Variants in TMED7 observed in about 807,000 individuals in gnomAD.
The protein encoded by TMED7 is transmembrane emp24 domain-containing protein 7.
Under a neutral mutation model 23.4 loss-of-function variants are expected in TMED7, and 8 were observed. The ratio of observed to expected loss-of-function variants is 0.34; its 90% confidence interval spans 0.20 to 0.62. The LOEUF (loss-of-function observed/expected upper bound fraction) is 0.62. Ranked by LOEUF, TMED7 falls within the 20% of genes least tolerant of loss-of-function variation. TMED7 has a pLI of 0.77. For missense variants in TMED7, 232 were observed against 279.1 expected (o/e 0.83, Z 1.20); for synonymous variants, 121 against 108.5 (o/e 1.12, Z -0.72).
chr5:115,624,191 G>A (rs1314795994), intron 1 of TMED7, among the ~76,000 whole-genome samples: 1 of 152,088 alleles, frequency 6.6e-6, no homozygotes, highest in Non-Finnish European at 1.5e-5. Flanking sequence ...GAAAATGTCG[G>A]CTTATACTTT....
chr5:115,615,920 C>A lies in TMED7; in HGVS notation c.*289G>T. 1.2e-5 allele frequency: 4 copies of A among 343,718 alleles called. No individual in the cohort carries two copies. Among genetic ancestry groups the A allele is most frequent in the East Asian group, 5.4e-5 (1 of 18,426 alleles). The allele number at this position is 343,718 out of a possible 1,614,324, so 21.3% of individuals were successfully genotyped here. A position where few individuals can be genotyped will look rare whatever the true frequency, so the allele number is the denominator to read the frequency against. On this transcript the variant is annotated 3_prime_UTR_variant, in exon 3 of 3. Transcript: ENST00000456936. ...TAAATGGTTAAAAGGAATCAAAATA[C>A]CAAAGTTTAGTGTGCGAAGAGTAGA...
Position 115,625,905 on chromosome 5 carries a change from A to G in TMED7, c.-113T>C. ...AGGCCACCCCGCAAAGATACACAGC[A>G]GAGCAGGTTCACGCCTGTGGGAGAT... On this transcript the variant is annotated 5_prime_UTR_variant, in exon 1 of 3. Coordinates refer to ENST00000456936, the MANE Select transcript of TMED7 (RefSeq NM_181836.6). 1 of 1,285,476 alleles carries G rather than the reference A, an allele frequency of 7.8e-7. No homozygotes were observed. The highest frequency in any genetic ancestry group is 9.8e-7 in the Non-Finnish European group (1 of 1,015,528). The allele number at this position is 1,285,476 out of a possible 1,614,324, so 79.6% of individuals were successfully genotyped here.
intron 1 of TMED7, among the ~76,000 whole-genome samples, chr5:115,621,578 C>A (rs147136212): frequency 6.6e-6 from 1 of 152,072 alleles, no homozygotes; most frequent in Non-Finnish European, 1.5e-5. Flanking sequence ...CTACTTTCCA[C>A]GGCTTATGCT....
At chr5:115,616,542 T>G in intron 2 of TMED7, 97 bp from the exon 3 acceptor site, 2 of 1,536,920 alleles carry the variant, frequency 1.3e-6, no homozygotes, top group South Asian at 2.4e-5. Flanking sequence ...AATTCCTCTT[T>G]TGACTAACAT....
At chr5:115,620,728 T>C in intron 1 of TMED7, 48 bp from the exon 2 acceptor site, 1 of 1,332,098 alleles carries the variant, frequency 7.5e-7, no homozygotes, top group Non-Finnish European at 9.7e-7. Flanking sequence ...TGTGAAAAAT[T>C]AATCAGATTT....
At position 115,615,328 on chromosome 5, in the gene TMED7, G is replaced by T. The variant is rs1052228768; in HGVS notation, c.*881C>A. 2 of 152,432 alleles carry T rather than the reference G, an allele frequency of 1.3e-5. No individual in the cohort carries two copies. Among genetic ancestry groups the T allele is most frequent in the African/African-American group, 4.8e-5 (2 of 41,400 alleles). The allele number at this position is 152,432 out of a possible 1,614,324, so 9.4% of individuals were successfully genotyped here. A position where few individuals can be genotyped will look rare whatever the true frequency, so the allele number is the denominator to read the frequency against. On this transcript the variant is annotated 3_prime_UTR_variant, in exon 3 of 3. Coordinates refer to ENST00000456936, the MANE Select transcript of TMED7 (RefSeq NM_181836.6). ...TACTAACAATTGTTAATTTAAGCTG[G>T]GAATGACTCACAGACATTAAAGTCA...
At position 115,613,443 on chromosome 5, in the gene TMED7, C is replaced by CT. The variant is rs778252489; in HGVS notation, c.*2765dup. The CT allele has an allele frequency of 8.6e-5, 13 of 152,044 alleles. No individual in the cohort carries two copies. The highest frequency in any genetic ancestry group is 2.1e-4 in the South Asian group (1 of 4,826). The allele number at this position is 152,044 out of a possible 1,614,324, so 9.4% of individuals were successfully genotyped here. ...TCTCATTACAGAACTGTACTCTAGGCTTTAAGTTTATAAGGAGCTTTAGAA... is the reference window on the plus strand; with the variant it reads ...TCTCATTACAGAACTGTACTCTAGGCTTTTAAGTTTATAAGGAGCTTTAGAA... On this transcript the variant is annotated 3_prime_UTR_variant, in exon 3 of 3. Transcript: ENST00000456936.
chr5:115,625,684 T>A lies in TMED7; in HGVS notation c.109A>T (p.Ile37Phe). The A allele has an allele frequency of 6.2e-7, 1 of 1,603,104 alleles. No homozygotes were observed. Among genetic ancestry groups the A allele is most frequent in the Non-Finnish European group, 8.5e-7 (1 of 1,175,606 alleles). Residue 37 changes from isoleucine to phenylalanine, a missense_variant, in exon 1 of 3, where the codon ATC becomes TTC. Physicochemically the swap from Ile to Phe is conservative, Grantham distance 21. This residue lies in a region of TMED7 where 106 missense variants were observed against 97.0 expected (regional missense o/e 1.09). Coordinates refer to ENST00000456936, the MANE Select transcript of TMED7 (RefSeq NM_181836.6). ...LVPGPGGASE[I>F]TFELPDNAKQ... ...GCGTTGTCAGGAAGCTCGAAGGTGATCTCAGAGGCGCCGCCGGGTCCAGGC... is the reference window on the plus strand; with the variant it reads ...GCGTTGTCAGGAAGCTCGAAGGTGAACTCAGAGGCGCCGCCGGGTCCAGGC...
At chr5:115,621,345 C>T (rs768608280) in intron 1 of TMED7, among the ~76,000 whole-genome samples, 1 of 152,114 alleles carries the variant, frequency 6.6e-6, no homozygotes, top group African/African-American at 2.4e-5. Flanking sequence ...AGTTGAGTAA[C>T]GGAGTGGGCT....
At chr5:115,625,532 A>G in intron 1 of TMED7, 69 bp downstream of exon 1, 1 of 1,397,796 alleles carries the variant, frequency 7.2e-7, no homozygotes, top group South Asian at 1.7e-5. Flanking sequence ...GGAAAGTGCC[A>G]TCCCTCAAGT....
Position 115,625,841 on chromosome 5 carries a change from G to A in TMED7, c.-49C>T. 1 of 1,356,546 alleles carries A rather than the reference G, an allele frequency of 7.4e-7. No homozygotes were observed. Among genetic ancestry groups the A allele is most frequent in the Non-Finnish European group, 9.4e-7 (1 of 1,061,432 alleles). The allele number at this position is 1,356,546 out of a possible 1,614,324, so 84.0% of individuals were successfully genotyped here. A position where few individuals can be genotyped will look rare whatever the true frequency, so the allele number is the denominator to read the frequency against. ...AACCGAGCTGCGAGACGCAGGGTCAGGTCTGCGCGGACTCACCGCGCGCGG... is the reference window on the plus strand; with the variant it reads ...AACCGAGCTGCGAGACGCAGGGTCAAGTCTGCGCGGACTCACCGCGCGCGG... On this transcript the variant is annotated 5_prime_UTR_variant, in exon 1 of 3. Coordinates refer to ENST00000456936, the MANE Select transcript of TMED7 (RefSeq NM_181836.6).
intron 1 of TMED7, among the ~76,000 whole-genome samples, chr5:115,623,303 C>A (rs1443478827): frequency 1.3e-5 from 2 of 152,182 alleles, no homozygotes; most frequent in African/African-American, 4.8e-5. Context: ...GTCCTGATTG[C>A]ATTTTTAAAT....
chr5:115,625,981 A>G lies in TMED7; in HGVS notation c.-189T>C. The G allele has an allele frequency of 2.7e-6, 2 of 744,110 alleles. No homozygotes were observed. The highest frequency in any genetic ancestry group is 9.9e-5 in the South Asian group (2 of 20,192). 46.1% of individuals were successfully genotyped at this position (744,110 alleles called of 1,614,324 possible). A position where few individuals can be genotyped will look rare whatever the true frequency, so the allele number is the denominator to read the frequency against. ...TCCTGTGAGGGGCGCAGACGGGCGG[A>G]CCTGGGGAGGTAAAAGAGAAGCGGA... On this transcript the variant is annotated 5_prime_UTR_variant, in exon 1 of 3. Coordinates refer to ENST00000456936, the MANE Select transcript of TMED7 (RefSeq NM_181836.6).
intron 1 of TMED7, among the ~76,000 whole-genome samples, chr5:115,624,228 T>G (rs1384148580): frequency 6.6e-6 from 1 of 152,186 alleles, no homozygotes; most frequent in Admixed American, 6.5e-5. Flanking sequence ...TATCTTCTTT[T>G]CTGTCCCCTG....
chr5:115,617,915 T>C (rs1237423683), intron 2 of TMED7, among the ~76,000 whole-genome samples: 1 of 152,174 alleles, frequency 6.6e-6, no homozygotes, highest in Non-Finnish European at 1.5e-5. Context: ...TGCCTCAGCC[T>C]CCTGAGTAGC....
chr5:115,625,786 G>A lies in TMED7; in HGVS notation c.7C>T (p.Arg3Trp), dbSNP rs748029882. The change falls in exon 1 of 3, where the codon CGG becomes TGG. Residue 3 changes from arginine to tryptophan, a missense_variant. Transcript: ENST00000456936. MP[R>W]PGSAQRWAAV... ...GCCCAGCGCTGCGCGGACCCCGGCC[G>A]CGGCATCCCGAGAAGGCGGCGGCGG... 2.1e-6 allele frequency: 3 copies of A among 1,431,848 alleles called. No homozygotes were observed. The highest frequency in any genetic ancestry group is 3.0e-5 in the South Asian group (2 of 66,332). The allele number at this position is 1,431,848 out of a possible 1,614,324, so 88.7% of individuals were successfully genotyped here.
rs1756659476 is a variant in TMED7 at position 115,615,165 on chromosome 5, A to T, written c.*1044T>A. 1 of 152,462 alleles carries T rather than the reference A, an allele frequency of 6.6e-6. No individual in the cohort carries two copies. Among genetic ancestry groups the T allele is most frequent in the African/African-American group, 2.4e-5 (1 of 41,462 alleles). 9.4% of individuals were successfully genotyped at this position (152,462 alleles called of 1,614,324 possible). On this transcript the variant is annotated 3_prime_UTR_variant, in exon 3 of 3. Transcript: ENST00000456936. ...GAAACACAAAGCATTCTAAATTTTT[A>T]AATCACTTTAGGGTAGCTAACCAGA...
rs780112816 is a variant in TMED7, at chr5:115,620,623, C to G, written c.250G>C (p.Val84Leu). The G allele has an allele frequency of 1.0e-5, 16 of 1,585,660 alleles. No homozygotes were observed. The highest frequency in any genetic ancestry group is 1.4e-5 in the Non-Finnish European group (16 of 1,167,300). Residue 84 changes from valine (V) to leucine (L), a missense_variant, in exon 2 of 3, where the codon GTG becomes CTG. Transcript: ENST00000456936. ...TGTTTCTTCATCTCTTTGTATAACACTTTACCATCAGGATCTTCTAATCGA... is the reference window on the plus strand; with the variant it reads ...TGTTTCTTCATCTCTTTGTATAACAGTTTACCATCAGGATCTTCTAATCGA... ...DCRLEDPDGKVLYKEMKKQYD... is the reference protein window; with the variant it reads ...DCRLEDPDGKLLYKEMKKQYD...
At chr5:115,622,473 C>T (rs144583938) in intron 1 of TMED7, among the ~76,000 whole-genome samples, 42 of 152,270 alleles carry the variant, frequency 2.8e-4, no homozygotes, top group Middle Eastern at 6.8e-3. Flanking sequence ...TCTTCTCCCT[C>T]GAACTCAGGG....
Sources: gnomAD v4.1 joint callset for allele counts (sites outside exome capture counted in the v4.1 genomes callset) on GRCh38, gnomAD v4.1.1 for gene constraint, gnomAD v4.1.1 regional missense constraint, MANE v1.5 for transcripts, NCBI Gene and HGNC (gene_info 2026-07-23, HGNC 2026-07-21) for gene names.